Variants in RBFOX2 observed in about 807,000 individuals in gnomAD.
RBFOX2 encodes the protein RNA binding protein fox-1 homolog 2.
Under a neutral mutation model 49.1 loss-of-function variants are expected in RBFOX2, and 10 were observed. The ratio of observed to expected loss-of-function variants is 0.20; its 90% confidence interval spans 0.13 to 0.35. RBFOX2 has a LOEUF of 0.35. RBFOX2 is among the 10% of genes least tolerant of loss of function. The pLI, the probability that RBFOX2 is intolerant of heterozygous loss-of-function variation, is 1.00. For synonymous variants in RBFOX2, 183 were observed against 187.4 expected (o/e 0.98, Z 0.19); for missense variants, 323 against 486.9 (o/e 0.66, Z 3.17).
intron 1 of RBFOX2, among the ~76,000 whole-genome samples, chr22:35,866,368 ATATT>A (rs2043682769): frequency 6.6e-6 from 1 of 152,204 alleles, no homozygotes; most frequent in Admixed American, 6.5e-5. Flanking sequence ...AAACTCATTT[ATATT>A]TATTAATTTC....
At chr22:35,741,242 G>C (rs1260224940) in exon 12 of RBFOX2, 1 of 152,238 alleles carries the variant, frequency 6.6e-6, no homozygotes, top group Non-Finnish European at 1.5e-5. Context: ...CTCCTTTAAG[G>C]AGCCCAGCTT....
intron 2 of RBFOX2, among the ~76,000 whole-genome samples, chr22:35,805,501 C>T (rs1723497793): frequency 1.3e-5 from 2 of 152,074 alleles, no homozygotes; most frequent in South Asian, 4.1e-4. Context: ...TGTGGAGCAG[C>T]AGGAACTCTC....
intron 2 of RBFOX2, among the ~76,000 whole-genome samples, chr22:35,788,923 A>G (rs1946996606): frequency 6.6e-6 from 1 of 151,962 alleles, no homozygotes; most frequent in Admixed American, 6.6e-5. Context: ...GTATTATTGG[A>G]TCTTCTGGAC....
At chr22:35,755,551 C>T (rs1400757842) in intron 9 of RBFOX2, among the ~76,000 whole-genome samples, 2 of 152,114 alleles carry the variant, frequency 1.3e-5, no homozygotes, top group African/African-American at 2.4e-5. Context: ...TCTTTGCTGG[C>T]ATCGGTTCCT....
intron 1 of RBFOX2, among the ~76,000 whole-genome samples, chr22:35,894,948 C>CT (rs1449118277): frequency 6.6e-6 from 1 of 150,854 alleles, no homozygotes; most frequent in East Asian, 1.9e-4. Context: ...TGGGGAGAAA[C>CT]CCCCCAAAAT....
chr22:35,856,532 G>T (rs1177567234), intron 1 of RBFOX2, among the ~76,000 whole-genome samples: 2 of 151,576 alleles, frequency 1.3e-5, no homozygotes, highest in Non-Finnish European at 2.9e-5. Context: ...TTTAGTCACA[G>T]TATTCTTAGA....
chr22:35,932,837 C>T lies in RBFOX2; in HGVS notation c.-34+6010G>A, dbSNP rs115446578. 5.4e-3 allele frequency among the ~76,000 whole-genome samples: 826 copies of T among 152,234 alleles called. 6 individuals are homozygous for T. The highest frequency in any genetic ancestry group is 0.019 in the African/African-American group (797 of 41,548). On this transcript the variant is annotated intron_variant, in intron 1 of 13. Transcript: ENST00000359369. ...CAAATGTTGCAGTGAGCCAAGATTG[C>T]GCCACTTCATTCCAGCCTGGGCAAC...
chr22:35,988,782 G>A (rs919094923), intron 1 of RBFOX2, among the ~76,000 whole-genome samples: 1 of 152,344 alleles, frequency 6.6e-6, no homozygotes, highest in East Asian at 1.9e-4. Flanking sequence ...TGTGGGATGG[G>A]AGGGACGAAA....
Position 35,768,187 on chromosome 22 carries a change from C to A in RBFOX2, c.546+70G>T, listed in dbSNP as rs550707913. On this transcript the variant is annotated intron_variant, in intron 5 of 11. Coordinates refer to ENST00000405409, the Ensembl canonical transcript of RBFOX2. ...CATAAGACAGGGTTCCAAATGTGAACTAAGTGAGGCAACACGAAAAAAGAG... is the reference window on the plus strand; with the variant it reads ...CATAAGACAGGGTTCCAAATGTGAAATAAGTGAGGCAACACGAAAAAAGAG... 1.4e-4 allele frequency: 218 copies of A among 1,524,730 alleles called. 2 individuals carry two copies. The South Asian group carries it at 2.2e-3, about 15-fold the overall frequency. The allele number at this position is 1,524,730 out of a possible 1,614,324, so 94.5% of individuals were successfully genotyped here.
exon 1 of RBFOX2, among the ~76,000 whole-genome samples, chr22:36,028,823 C>G (rs1345473488): frequency 2.0e-5 from 3 of 151,924 alleles, no homozygotes; most frequent in African/African-American, 7.2e-5. Flanking sequence ...AGGGGGCGGT[C>G]CGGGCTCCCG....
chr22:35,922,654 C>T (rs1569490796), intron 1 of RBFOX2, among the ~76,000 whole-genome samples: 1 of 151,156 alleles, frequency 6.6e-6, no homozygotes, highest in Non-Finnish European at 1.5e-5. Context: ...ACACAGACTA[C>T]CAGCTAAGAT....
At chr22:35,956,315 T>C (rs1011582919) in intron 1 of RBFOX2, among the ~76,000 whole-genome samples, 1 of 152,146 alleles carries the variant, frequency 6.6e-6, no homozygotes, top group African/African-American at 2.4e-5. Context: ...TCAAATTTTA[T>C]CACTGGCCAC....
chr22:35,833,960 A>G (rs1957218439), intron 1 of RBFOX2, among the ~76,000 whole-genome samples: 2 of 152,220 alleles, frequency 1.3e-5, no homozygotes, highest in African/African-American at 4.8e-5. Context: ...ATATTATAAG[A>G]ATGAAGTAAT....
intron 1 of RBFOX2, among the ~76,000 whole-genome samples, chr22:35,896,959 T>C (rs369733030): frequency 6.6e-6 from 1 of 152,230 alleles, no homozygotes; most frequent in Admixed American, 6.5e-5. Context: ...TCAGTTTTTA[T>C]ACACAACTTT....
At chr22:36,023,151 C>G (rs2059308299) in intron 1 of RBFOX2, among the ~76,000 whole-genome samples, 1 of 151,878 alleles carries the variant, frequency 6.6e-6, no homozygotes, top group African/African-American at 2.4e-5. Flanking sequence ...AATGAGGGCA[C>G]AAAGAGACAT....
chr22:35,998,843 C>T (rs1173094004), intron 1 of RBFOX2: 2 of 152,726 alleles, frequency 1.3e-5, no homozygotes, highest in African/African-American at 2.4e-5. Context: ...CTCTGCACCT[C>T]GTCACAACAG....
chr22:35,933,126 T>C (rs1439604165), intron 1 of RBFOX2, among the ~76,000 whole-genome samples: 2 of 152,166 alleles, frequency 1.3e-5, no homozygotes, highest in African/African-American at 4.8e-5. Flanking sequence ...ATACAAGACA[T>C]GGAGGCTGAA....
intron 2 of RBFOX2, among the ~76,000 whole-genome samples, chr22:35,801,137 A>C (rs1448689448): frequency 6.6e-6 from 1 of 152,200 alleles, no homozygotes; most frequent in East Asian, 1.9e-4. Context: ...TATTTTATAA[A>C]CCATAATAAA....
rs118118690 is a variant in RBFOX2 at position 36,015,376 on chromosome 22, T to C, written c.186+12864A>G. Among the ~76,000 whole-genome samples, 528 of 152,344 alleles carry C rather than the reference T, an allele frequency of 3.5e-3. 1 individual carries two copies. The highest frequency in any genetic ancestry group is 4.9e-3 in the Non-Finnish European group (334 of 68,032). On this transcript the variant is annotated intron_variant, in intron 1 of 13. Transcript: ENST00000438146. ...GCATAGCATAAGACCAGGGTCAGAC[T>C]TTCAGGACAAGTACTACCAACTCCC...
Sources: gnomAD v4.1 joint callset for allele counts (sites outside exome capture counted in the v4.1 genomes callset) on GRCh38, gnomAD v4.1.1 for gene constraint, MANE v1.5 for transcripts, NCBI Gene and HGNC (gene_info 2026-07-23, HGNC 2026-07-21) for gene names.